The following DPP10 variants were observed in gnomAD, a reference collection of about 807,000 sequenced individuals.
DPP10 encodes inactive dipeptidyl peptidase 10.
In DPP10, 33 loss-of-function variants were observed where a neutral mutation model predicts 120.9. The observed-to-expected ratio is 0.27, with a 90% CI of 0.21 to 0.37. The LOEUF (loss-of-function observed/expected upper bound fraction) is 0.37. Among genes scored for constraint, DPP10 ranks in the 10% least tolerant of loss-of-function variants. The pLI, the probability that DPP10 is intolerant of heterozygous loss-of-function variation, is 1.00. For missense variants in DPP10, 816 were observed against 942.8 expected (o/e 0.87, Z 1.76); for synonymous variants, 337 against 326.1 (o/e 1.03, Z -0.36).
intron 1 of DPP10, among the ~76,000 whole-genome samples, chr2:114,791,079 A>G (rs370483775): frequency 6.6e-6 from 1 of 152,240 alleles, no homozygotes; most frequent in African/African-American, 2.4e-5. Flanking sequence ...GGTATAAAAT[A>G]TAGTAGCCAA....
At chr2:114,656,558 C>A (rs1005459310) in intron 1 of DPP10, among the ~76,000 whole-genome samples, 1 of 152,160 alleles carries the variant, frequency 6.6e-6, no homozygotes, top group African/African-American at 2.4e-5. Flanking sequence ...CAGTAAATCA[C>A]CTTGCCTCAA....
chr2:115,688,912 A>T (rs765846867), intron 5 of DPP10, among the ~76,000 whole-genome samples: 1 of 152,088 alleles, frequency 6.6e-6, no homozygotes, highest in Admixed American at 6.6e-5. Flanking sequence ...TCTCACTTCA[A>T]CTTCACCAAC....
chr2:115,515,572 T>A (rs1157831543), intron 4 of DPP10, among the ~76,000 whole-genome samples: 2 of 152,056 alleles, frequency 1.3e-5, no homozygotes, highest in Non-Finnish European at 2.9e-5. Context: ...CAGGAACATT[T>A]TAAAAAAATA....
At chr2:115,015,052 A>G (rs1702536411) in intron 1 of DPP10, among the ~76,000 whole-genome samples, 2 of 152,310 alleles carry the variant, frequency 1.3e-5, no homozygotes, top group African/African-American at 2.4e-5. Flanking sequence ...CAACAAAAAA[A>G]GAAAATTTCA....
At chr2:115,289,760 A>G (rs890856705) in intron 1 of DPP10, among the ~76,000 whole-genome samples, 3 of 152,162 alleles carry the variant, frequency 2.0e-5, no homozygotes, top group African/African-American at 7.2e-5. Context: ...AGGACACCCT[A>G]TTCAATACTT....
At chr2:114,898,378 T>C (rs1181472158) in intron 1 of DPP10, among the ~76,000 whole-genome samples, 3 of 152,054 alleles carry the variant, frequency 2.0e-5, no homozygotes, top group Non-Finnish European at 4.4e-5. Flanking sequence ...GGGATAGCTT[T>C]AGGAGATATA....
rs199873819 is a variant in DPP10 at position 115,628,019 on chromosome 2, G to GCATTTCTGGTTCTAGAAATGC, written c.442-61631_442-61611dup. On this transcript the variant is annotated intron_variant, in intron 5 of 25. Coordinates refer to ENST00000410059, the MANE Select transcript of DPP10 (RefSeq NM_020868.6). ...CAGTAATGGGATTGCTAGTCAAATG[G>GCATTTCTGGTTCTAGAAATGC]CATTTCTGGTTCTAGAAATGCCATT... 1.0e-3 allele frequency among the ~76,000 whole-genome samples: 156 copies of GCATTTCTGGTTCTAGAAATGC among 151,798 alleles called. 1 individual carries two copies. Among genetic ancestry groups the GCATTTCTGGTTCTAGAAATGC allele is most frequent in the African/African-American group, 3.0e-3 (125 of 41,234 alleles).
chr2:115,476,355 T>C (rs1484806011), intron 3 of DPP10, among the ~76,000 whole-genome samples: 3 of 152,142 alleles, frequency 2.0e-5, no homozygotes, highest in Non-Finnish European at 4.4e-5. Context: ...TCCACCATAA[T>C]TGTAAGCTTC....
chr2:115,028,585 G>C (rs1481605182), intron 1 of DPP10, among the ~76,000 whole-genome samples: 1 of 151,896 alleles, frequency 6.6e-6, no homozygotes, highest in Non-Finnish European at 1.5e-5. Flanking sequence ...AAATGTTATG[G>C]GTCTAGTGTG....
chr2:114,936,973 T>C (rs1028771865), intron 1 of DPP10, among the ~76,000 whole-genome samples: 4 of 152,182 alleles, frequency 2.6e-5, no homozygotes, highest in African/African-American at 9.6e-5. Context: ...GTTTGAGTTC[T>C]TTGTAGATTC....
intron 8 of DPP10, among the ~76,000 whole-genome samples, chr2:115,729,700 G>T (rs189032439): frequency 1.3e-5 from 2 of 152,136 alleles, no homozygotes; most frequent in Non-Finnish European, 2.9e-5. Context: ...GCTTGAGCTC[G>T]GGAGTTGAAG....
intron 1 of DPP10, among the ~76,000 whole-genome samples, chr2:114,803,221 C>A (rs1558757571): frequency 6.6e-6 from 1 of 152,212 alleles, no homozygotes; most frequent in Non-Finnish European, 1.5e-5. Context: ...TCACCTACCA[C>A]CATGATTCTG....
chr2:115,228,162 G>C (rs1458992385), intron 1 of DPP10, among the ~76,000 whole-genome samples: 1 of 151,854 alleles, frequency 6.6e-6, no homozygotes, highest in Non-Finnish European at 1.5e-5. Context: ...TGACAGACTG[G>C]TGTTAAACTA....
chr2:115,020,098 G>GA (rs1346183614), intron 1 of DPP10, among the ~76,000 whole-genome samples: 4 of 151,514 alleles, frequency 2.6e-5, no homozygotes, highest in East Asian at 1.9e-4. Context: ...TAACACAGTA[G>GA]AAAAAAAACC....
intron 19 of DPP10, among the ~76,000 whole-genome samples, chr2:115,806,555 C>G (rs550496255): frequency 1.3e-5 from 2 of 152,220 alleles, no homozygotes; most frequent in Non-Finnish European, 2.9e-5. Context: ...ATTGTATCAC[C>G]ACCATACATT....
chr2:115,385,762 C>A (rs2066886198), intron 3 of DPP10, among the ~76,000 whole-genome samples: 1 of 152,190 alleles, frequency 6.6e-6, no homozygotes, highest in South Asian at 2.1e-4. Context: ...TTCCCTGTCA[C>A]ATAAAACTTT....
chr2:114,673,824 T>G (rs1374571182), intron 1 of DPP10, among the ~76,000 whole-genome samples: 1 of 152,188 alleles, frequency 6.6e-6, no homozygotes, highest in Non-Finnish European at 1.5e-5. Flanking sequence ...TATAACAACA[T>G]TAGATTTTTT....
At chr2:114,893,026 G>A (rs542845217) in intron 1 of DPP10, among the ~76,000 whole-genome samples, 2 of 152,118 alleles carry the variant, frequency 1.3e-5, no homozygotes, top group Non-Finnish European at 2.9e-5. Flanking sequence ...ATACTGTAAG[G>A]TGAAAGTGTC....
At chr2:115,375,529 C>A (rs973099498) in intron 3 of DPP10, among the ~76,000 whole-genome samples, 3 of 152,202 alleles carry the variant, frequency 2.0e-5, no homozygotes, top group South Asian at 2.1e-4. Flanking sequence ...CTGCCTGTTT[C>A]CCAGTTCCAA....
Sources: allele counts gnomAD v4.1 joint callset (sites outside exome capture counted in the v4.1 genomes callset), GRCh38; gene constraint gnomAD v4.1.1; transcripts MANE v1.5; gene names NCBI Gene and HGNC (gene_info 2026-07-23, HGNC 2026-07-21).